The following MARF1 variants were observed in gnomAD, a reference collection of about 807,000 sequenced individuals.
The protein encoded by MARF1 is limkain-b1.
In MARF1, 24 loss-of-function variants were observed where a neutral mutation model predicts 168.2. The observed-to-expected ratio is 0.14, with a 90% CI of 0.10 to 0.20. The LOEUF (loss-of-function observed/expected upper bound fraction) is 0.20, where lower values mean the gene tolerates loss of function less well. Among genes scored for constraint, MARF1 ranks in the 10% least tolerant of loss-of-function variants. The pLI is 1.00. For synonymous variants in MARF1, 868 were observed against 822.4 expected (o/e 1.06, Z -0.95); for missense variants, 1,744 against 2,143.6 (o/e 0.81, Z 3.68).
At position 15,617,149 on chromosome 16, in the gene MARF1, A is replaced by C. The variant is rs768367070; in HGVS notation, c.2980T>G (p.Ser994Ala). 46 of 1,613,958 alleles carry C rather than the reference A, an allele frequency of 2.9e-5. No homozygotes were observed. Among genetic ancestry groups the C allele is most frequent in the Non-Finnish European group, 3.9e-5 (46 of 1,180,008 alleles). ...DFSEHEFDPD[S>A]YKIPFVILSL... ...AGAATCACAAAAGGAATCTTGTAAG[A>C]GTCTGGATCAAATTCATGTTCGCTG... is the stretch of plus-strand genomic sequence containing the variant. The change falls in exon 15 of 27, where the codon TCT (serine) becomes GCT (alanine). Residue 994 changes from serine to alanine, a missense_variant. By Grantham distance (99) the Ser-to-Ala change is moderately conservative (BLOSUM62 1). Transcript: ENST00000396368.
intron 4 of MARF1, among the ~76,000 whole-genome samples, chr16:15,634,538 T>C (rs2035458538): frequency 6.6e-6 from 1 of 152,160 alleles, no homozygotes; most frequent in Non-Finnish European, 1.5e-5. Context: ...AATTTTTCTA[T>C]ACACAGCTTC....
chr16:15,608,316 G>C lies in MARF1; in HGVS notation c.4157C>G (p.Thr1386Ser). ...DYDVSSISAL[T>S]QKLCHVVKVA... ...CTTCACGACATGGCAGAGTTTCTGA[G>C]TTAAAGCCGAAATGGAACTGACATC... Residue 1386 changes from threonine (T) to serine (S), a missense_variant, in exon 21 of 27, where the codon ACT (threonine) becomes AGT (serine). Coordinates refer to ENST00000396368, the MANE Select transcript of MARF1 (RefSeq NM_014647.4). 2 of 1,515,984 alleles carry C rather than the reference G, an allele frequency of 1.3e-6. No individual in the cohort carries two copies. The highest frequency in any genetic ancestry group is 1.8e-6 in the Non-Finnish European group (2 of 1,094,344). 93.9% of individuals were successfully genotyped at this position (1,515,984 alleles called of 1,614,324 possible).
At chr16:15,623,598 T>C (rs1366647031) in intron 10 of MARF1, among the ~76,000 whole-genome samples, 1 of 152,048 alleles carries the variant, frequency 6.6e-6, no homozygotes, top group Non-Finnish European at 1.5e-5. Flanking sequence ...TAATCTTAAA[T>C]ACACATTGAT....
intron 3 of MARF1, 196 bp downstream of exon 3, chr16:15,635,456 ACTCT>A (rs1181619912): frequency 1.8e-6 from 1 of 563,904 alleles, no homozygotes; most frequent in Admixed American, 3.3e-5. Context: ...AAAAATAATG[ACTCT>A]CTACTTTTTT....
chr16:15,641,668 G>GA (rs1227845922), intron 1 of MARF1, among the ~76,000 whole-genome samples: 1 of 152,142 alleles, frequency 6.6e-6, no homozygotes, highest in Non-Finnish European at 1.5e-5. Flanking sequence ...ATAATCCTGT[G>GA]AAATAGACAG....
chr16:15,602,741 G>T (rs1446331963), intron 22 of MARF1: 14 of 428,394 alleles, frequency 3.3e-5, no homozygotes, highest in Non-Finnish European at 4.6e-6. Flanking sequence ...GGCTGCAGCG[G>T]TCTGAAGAGA....
Position 15,634,842 on chromosome 16 carries a change from C to G in MARF1, c.921G>C (p.Leu307=), listed in dbSNP as rs755504680. The change falls in exon 4 of 27, where the codon CTG becomes CTC. Residue 307 remains leucine, a synonymous_variant. Transcript: ENST00000396368. Reference sequence around the variant, plus strand: ...TTCCTTTGGTTCCACAGCCATTACACAGAGGGACAGCAAGAGGTGCAGGTT... The same window carrying G: ...TTCCTTTGGTTCCACAGCCATTACAGAGAGGGACAGCAAGAGGTGCAGGTT... ...NTQPAPLAVP[L]CNGCGTKGTG... is the part of the protein sequence containing the mutation. 4 of 1,614,022 alleles carry G rather than the reference C, an allele frequency of 2.5e-6. No homozygotes were observed.
chr16:15,634,716 G>C (rs1325600232), intron 4 of MARF1, 41 bp downstream of exon 4: 1 of 1,566,436 alleles, frequency 6.4e-7, no homozygotes, highest in Admixed American at 1.8e-5. Flanking sequence ...GATATTGAAA[G>C]CTATTTAAAT....
rs2034707866 is a variant in MARF1 at position 15,624,647 on chromosome 16, G to T, written c.2270+122C>A. ...CCTGAGGAGAGGGGGACTGGCAGAAGAGTGATGGGAGACTTACTTTGTGCA... is the reference window on the plus strand; with the variant it reads ...CCTGAGGAGAGGGGGACTGGCAGAATAGTGATGGGAGACTTACTTTGTGCA... On this transcript the variant is annotated intron_variant, in intron 10 of 26. Transcript: ENST00000396368. 4 of 878,528 alleles carry T rather than the reference G, an allele frequency of 4.6e-6. No homozygotes were observed. The African/African-American group carries it at 5.0e-5, about 11-fold the overall frequency. The allele number at this position is 878,528 out of a possible 1,614,324, so 54.4% of individuals were successfully genotyped here. A position where few individuals can be genotyped will look rare whatever the true frequency, so the allele number is the denominator to read the frequency against.
intron 10 of MARF1, 151 bp from the exon 11 acceptor site, chr16:15,623,274 C>CTTTTTTTTTTTTTT (rs71375044): frequency 1.7e-5 from 2 of 114,990 alleles, no homozygotes; most frequent in African/African-American, 4.4e-5. Flanking sequence ...TGTTTTTAAT[C>CTTTTTTTTTTTTTT]TTTTTTTTTT....
Position 15,633,798 on chromosome 16 carries a change from G to T in MARF1, c.1052C>A (p.Pro351His), listed in dbSNP as rs1227836187. 1 of 1,613,616 alleles carries T rather than the reference G, an allele frequency of 6.2e-7. No homozygotes were observed. The highest frequency in any genetic ancestry group is 1.3e-5 in the African/African-American group (1 of 74,782). ...AVAGQVLENL[P>H]PIGVFWDIEN... ...AATATCCCAAAAAACTCCAATGGGG[G>T]GTAAGTTTTCTAGCACCTGTCCAGC... The change falls in exon 5 of 27, where the codon CCC becomes CAC. Residue 351 changes from proline to histidine, a missense_variant. Coordinates refer to ENST00000396368, the MANE Select transcript of MARF1 (RefSeq NM_014647.4).
intron 21 of MARF1, 23 bp from the exon 22 acceptor site, chr16:15,604,421 C>A (rs1438148572): frequency 3.9e-6 from 6 of 1,555,952 alleles, no homozygotes; most frequent in Non-Finnish European, 5.3e-6. Context: ...AGAATTCACA[C>A]TTTTCAGAGC....
intron 26 of MARF1, 88 bp downstream of exon 26, chr16:15,598,766 C>A: frequency 1.5e-6 from 2 of 1,320,932 alleles, no homozygotes; most frequent in East Asian, 4.7e-5. Flanking sequence ...AGTCCCTTCC[C>A]ACCTCCGTCA....
chr16:15,599,839 CCT>C lies in MARF1; in HGVS notation c.4813+587_4813+588del, dbSNP rs557003974. On this transcript the variant is annotated intron_variant, in intron 25 of 26. Coordinates refer to ENST00000396368, the MANE Select transcript of MARF1 (RefSeq NM_014647.4). ...CCTTGACCAGCCATGAGTCAGGCAC[CCT>C]GAGCCCTCTTCCGGATCAGGCCTGA... 2.8e-3 allele frequency among the ~76,000 whole-genome samples: 420 copies of C among 152,282 alleles called. 4 individuals are homozygous for C. The highest frequency in any genetic ancestry group is 9.4e-3 in the African/African-American group (391 of 41,558).
intron 22 of MARF1, 106 bp downstream of exon 22, chr16:15,604,062 G>A (rs563092518): frequency 1.4e-4 from 117 of 860,024 alleles, no homozygotes; most frequent in Non-Finnish European, 1.9e-4. Context: ...ATGGTCTCTC[G>A]GGTCCCTTCC....
chr16:15,607,245 C>T (rs2033095939), intron 21 of MARF1, among the ~76,000 whole-genome samples: 1 of 152,136 alleles, frequency 6.6e-6, no homozygotes, highest in Non-Finnish European at 1.5e-5. Context: ...AGCTGCAGTC[C>T]AATACATTAA....
chr16:15,630,652 T>C (rs1301258113), intron 6 of MARF1, 148 bp from the exon 7 acceptor site: 1 of 601,180 alleles, frequency 1.7e-6, no homozygotes, highest in Non-Finnish European at 2.7e-6. Context: ...AAGAAACACG[T>C]TTCACATCAG....
At chr16:15,613,338 C>T (rs1010777974) in intron 16 of MARF1, among the ~76,000 whole-genome samples, 4 of 152,032 alleles carry the variant, frequency 2.6e-5, no homozygotes, top group Admixed American at 6.6e-5. Flanking sequence ...AGTAATCAAA[C>T]GGAAATCTTT....
At position 15,596,855 on chromosome 16, in the gene MARF1, C is replaced by T. The variant is rs750540600; in HGVS notation, c.5067G>A (p.Ser1689=). The change falls in exon 27 of 27, where the codon TCG becomes TCA. Residue 1689 remains serine (S), a synonymous_variant. Coordinates refer to ENST00000396368, the MANE Select transcript of MARF1 (RefSeq NM_014647.4). ...CGGGGACAGCTGCTGAGATGCAGGA[C>T]GAGCTGGAGTCAGAGGTCAGAGTTT... The part of the protein sequence containing the change: ...KSKTLTSDSS[S]SCISAAVPVP... 1.5e-5 allele frequency: 24 copies of T among 1,613,948 alleles called. No individual in the cohort carries two copies. Among genetic ancestry groups the T allele is most frequent in the Admixed American group, 3.3e-5 (2 of 60,002 alleles).
Sources: allele counts gnomAD v4.1 joint callset (sites outside exome capture counted in the v4.1 genomes callset), GRCh38; gene constraint gnomAD v4.1.1; transcripts MANE v1.5; gene names NCBI Gene and HGNC (gene_info 2026-07-23, HGNC 2026-07-21).